The following SKAP2 variants were observed in gnomAD, a reference collection of about 807,000 sequenced individuals.
SKAP2 encodes src kinase-associated phosphoprotein 2.
Under a neutral mutation model 54.9 loss-of-function variants are expected in SKAP2, and 28 were observed. The observed-to-expected ratio is 0.51, with a 90% CI of 0.38 to 0.70. The LOEUF is 0.70. SKAP2 is among the 30% of genes least tolerant of loss of function. The pLI is 0.00. For synonymous variants in SKAP2, 137 were observed against 134.3 expected (o/e 1.02, Z -0.14); for missense variants, 356 against 424.1 (o/e 0.84, Z 1.41).
At chr7:26,686,999 C>A (rs1167921606) in intron 10 of SKAP2, among the ~76,000 whole-genome samples, 1 of 151,974 alleles carries the variant, frequency 6.6e-6, no homozygotes, top group Non-Finnish European at 1.5e-5. Context: ...TGTCCCATTG[C>A]GTTCCCCAGC....
At chr7:26,850,605 A>G (rs1312469729) in intron 3 of SKAP2, among the ~76,000 whole-genome samples, 1 of 151,954 alleles carries the variant, frequency 6.6e-6, no homozygotes, top group Non-Finnish European at 1.5e-5. Context: ...AGAAAAAAAA[A>G]GGAAAAAGAA....
intron 4 of SKAP2, among the ~76,000 whole-genome samples, chr7:26,770,828 T>C (rs1268413950): frequency 6.6e-6 from 1 of 152,154 alleles, no homozygotes; most frequent in Admixed American, 6.5e-5. Context: ...GGTACTTCAG[T>C]TGGAAATGCA....
At chr7:26,693,346 A>C (rs1365174836) in intron 9 of SKAP2, among the ~76,000 whole-genome samples, 1 of 149,914 alleles carries the variant, frequency 6.7e-6, no homozygotes, top group Non-Finnish European at 1.5e-5. Context: ...AAAAAAAAAA[A>C]AAAAAAAGAG....
chr7:26,760,264 T>C (rs1254795858), intron 4 of SKAP2, among the ~76,000 whole-genome samples: 2 of 152,116 alleles, frequency 1.3e-5, no homozygotes, highest in Non-Finnish European at 2.9e-5. Context: ...CAAATTCATG[T>C]CAAAGTAATA....
intron 4 of SKAP2, among the ~76,000 whole-genome samples, chr7:26,757,793 GCT>G (rs1175886440): frequency 1.3e-5 from 2 of 152,098 alleles, no homozygotes; most frequent in African/African-American, 4.8e-5. Flanking sequence ...ATGGAGTCTT[GCT>G]CTGTCACCCA....
rs61646374 is a variant in SKAP2, at chr7:26,844,142, TAA to T, written c.200-7_200-6del. The T allele has an allele frequency of 7.1e-4, 909 of 1,274,276 alleles. No individual in the cohort carries two copies. Among genetic ancestry groups the T allele is most frequent in the South Asian group, 8.0e-4 (61 of 76,020 alleles). The allele number at this position is 1,274,276 out of a possible 1,614,324, so 78.9% of individuals were successfully genotyped here. ...CTTCCCCATCTTCTGCATCACCTGT[TAA>T]AAAAAAAAAAAATCAGAGAACTGCC... On this transcript the variant is annotated splice_region_variant and splice_polypyrimidine_tract_variant and intron_variant, in intron 3 of 12. Transcript: ENST00000345317.
chr7:26,812,354 C>T (rs1784164232), intron 4 of SKAP2, among the ~76,000 whole-genome samples: 1 of 152,132 alleles, frequency 6.6e-6, no homozygotes, highest in South Asian at 2.1e-4. Flanking sequence ...TTTAACTTCC[C>T]TAAATCCCAA....
chr7:26,690,340 T>C lies in SKAP2; in HGVS notation c.819A>G (p.Pro273=), dbSNP rs1454698389. ...TCTTCCTTTGTTCTTCCACTTTCAC[T>C]GGAGCACTGTCCTCTTCTTCTTCTG... The part of the protein sequence containing the change: ...ELPEEEEDSA[P]VKVEEQRKMS... The change falls in exon 10 of 13, where the codon CCA becomes CCG. Residue 273 remains proline (P), a synonymous_variant. Transcript: ENST00000345317. 6.2e-7 allele frequency: 1 copy of C among 1,611,426 alleles called. No homozygotes were observed. The highest frequency in any genetic ancestry group is 1.1e-5 in the South Asian group (1 of 91,018).
At chr7:26,793,488 G>T (rs922966715) in intron 4 of SKAP2, among the ~76,000 whole-genome samples, 1 of 152,092 alleles carries the variant, frequency 6.6e-6, no homozygotes, top group Non-Finnish European at 1.5e-5. Flanking sequence ...TCTAGGAAAG[G>T]TTGCCTTTTC....
At chr7:26,708,761 T>C (rs1489495804) in intron 9 of SKAP2, among the ~76,000 whole-genome samples, 1 of 152,216 alleles carries the variant, frequency 6.6e-6, no homozygotes, top group Non-Finnish European at 1.5e-5. Context: ...TTCATAACCA[T>C]TTCTTATCAT....
At chr7:26,729,856 A>T (rs1787785734) in intron 6 of SKAP2, among the ~76,000 whole-genome samples, 1 of 152,202 alleles carries the variant, frequency 6.6e-6, no homozygotes, top group African/African-American at 2.4e-5. Flanking sequence ...TCATTCCATC[A>T]AAGAAAGACC....
At chr7:26,684,184 G>A (rs1018165652) in intron 11 of SKAP2, among the ~76,000 whole-genome samples, 11 of 152,036 alleles carry the variant, frequency 7.2e-5, no homozygotes, top group Non-Finnish European at 1.3e-4. Context: ...ATGAAGATGG[G>A]TTTATAGAAT....
intron 4 of SKAP2, among the ~76,000 whole-genome samples, chr7:26,818,482 G>C (rs942183666): frequency 5.3e-5 from 8 of 152,054 alleles, no homozygotes; most frequent in Non-Finnish European, 8.8e-5. Flanking sequence ...AAAAACCCTA[G>C]AAGAAAACCT....
intron 7 of SKAP2, 104 bp downstream of exon 7, chr7:26,726,778 A>G (rs1004170841): frequency 1.1e-5 from 10 of 916,136 alleles, no homozygotes; most frequent in Non-Finnish European, 1.2e-5. Flanking sequence ...TATTTTTATT[A>G]TTGTTAACAT....
At position 26,778,705 on chromosome 7, in the gene SKAP2, A is replaced by G. The variant is rs963854686; in HGVS notation, c.308-38741T>C. ...AAGCAGGTAACACCTTACATCAAACATATATGTTTCTTCTGTGTCTAAAAG... is the reference window on the plus strand; with the variant it reads ...AAGCAGGTAACACCTTACATCAAACGTATATGTTTCTTCTGTGTCTAAAAG... On this transcript the variant is annotated intron_variant, in intron 4 of 12. Transcript: ENST00000345317. 9.4e-5 allele frequency among the ~76,000 whole-genome samples: 14 copies of G among 148,378 alleles called. No individual in the cohort carries two copies. In the Admixed American group the frequency reaches 1.0e-3, roughly 11 times the overall value.
chr7:26,668,387 T>TATTCTACA lies in SKAP2; in HGVS notation c.*1278_*1279insTGTAGAAT, dbSNP rs1786153793. 1 of 152,134 alleles carries TATTCTACA rather than the reference T, an allele frequency of 6.6e-6. No individual in the cohort carries two copies. The highest frequency in any genetic ancestry group is 1.5e-5 in the Non-Finnish European group (1 of 68,036). The allele number at this position is 152,134 out of a possible 1,614,324, so 9.4% of individuals were successfully genotyped here. ...CTGATTTCAAATATACATGAAAAGG[T>TATTCTACA]AATTATATGATTCTACAAATCTTGC... On this transcript the variant is annotated 3_prime_UTR_variant, in exon 13 of 13. Transcript: ENST00000345317.
intron 4 of SKAP2, among the ~76,000 whole-genome samples, chr7:26,763,844 T>A (rs1259903548): frequency 2.6e-5 from 4 of 152,158 alleles, no homozygotes. Flanking sequence ...AGCATGTTAC[T>A]CTACTGAATA....
chr7:26,693,481 G>A (rs540354447), intron 9 of SKAP2, among the ~76,000 whole-genome samples: 9 of 152,012 alleles, frequency 5.9e-5, no homozygotes, highest in Non-Finnish European at 7.4e-5. Flanking sequence ...TTGTTACTAT[G>A]AATTTTTTAT....
chr7:26,683,375 T>C (rs1261878866), intron 11 of SKAP2, among the ~76,000 whole-genome samples: 2 of 152,114 alleles, frequency 1.3e-5, no homozygotes, highest in Admixed American at 6.5e-5. Context: ...GGAACAACAG[T>C]AACAAAAACC....
Sources: gnomAD v4.1 joint callset for allele counts (sites outside exome capture counted in the v4.1 genomes callset) on GRCh38, gnomAD v4.1.1 for gene constraint, MANE v1.5 for transcripts, NCBI Gene and HGNC (gene_info 2026-07-23, HGNC 2026-07-21) for gene names.